DOCK5: variants seen among roughly 807,000 people sequenced by gnomAD.
The protein encoded by DOCK5 is dedicator of cytokinesis protein 5.
Under a neutral mutation model 251.8 loss-of-function variants are expected in DOCK5, and 142 were observed. That is an observed-to-expected ratio of 0.56 (90% CI 0.49 to 0.65). The LOEUF (loss-of-function observed/expected upper bound fraction) is 0.65, where lower values mean the gene tolerates loss of function less well. Among genes scored for constraint, DOCK5 ranks in the 30% least tolerant of loss-of-function variants. The pLI is 0.00. For missense variants in DOCK5, 2,111 were observed against 2,312.3 expected, an observed-to-expected ratio of 0.91 and a Z score of 1.79; for synonymous variants, 842 against 835.5, an observed-to-expected ratio of 1.01 and a Z score of -0.13.
Position 25,310,445 on chromosome 8 carries a change from A to G in DOCK5, c.1231A>G (p.Thr411Ala), listed in dbSNP as rs756444623. The change falls in exon 13 of 52, where the codon ACC becomes GCC. Residue 411 changes from threonine to alanine, a missense_variant. Physicochemically the swap from Thr to Ala is moderately conservative, Grantham distance 58. This residue lies in a region of DOCK5 where 1,717 missense variants were observed against 1,892.4 expected (regional missense o/e 0.91). Coordinates refer to ENST00000276440, the MANE Select transcript of DOCK5 (RefSeq NM_024940.8). ...VSLKLLPGDLTQVQKNFSHLV... is the reference protein window; with the variant it reads ...VSLKLLPGDLAQVQKNFSHLV... ...CTTGAAGCTCTTGCCCGGTGACCTC[A>G]CCCAGGTTCAGAAGAATTTTTCACA... is the stretch of plus-strand genomic sequence containing the variant. The G allele has an allele frequency of 1.9e-6, 3 of 1,613,656 alleles. No individual in the cohort carries two copies. The highest frequency in any genetic ancestry group is 1.7e-5 in the Admixed American group (1 of 59,934).
Position 25,410,939 on chromosome 8 carries a change from A to AATATGTGTGTG in DOCK5, c.5509-255_5509-254insATATGTGTGTG, listed in dbSNP as rs1554513012. ...TATGGCAGCGAGAGAGAGAGAGAAA[A>AATATGTGTGTG]TGTGTGTGTGTGTGTGTGTGTGTGT... is the stretch of plus-strand genomic sequence containing the variant. On this transcript the variant is annotated intron_variant, in intron 51 of 51. Coordinates refer to ENST00000276440, the MANE Select transcript of DOCK5 (RefSeq NM_024940.8). 2.9e-5 allele frequency among the ~76,000 whole-genome samples: 3 copies of AATATGTGTGTG among 102,152 alleles called. No individual in the cohort carries two copies. The South Asian group carries it at 1.1e-3, about 39-fold the overall frequency. The allele number at this position is 102,152 out of a possible 152,430, so 67.0% of individuals were successfully genotyped here. A position where few individuals can be genotyped will look rare whatever the true frequency, so the allele number is the denominator to read the frequency against.
chr8:25,225,297 C>T (rs967871554), intron 1 of DOCK5, among the ~76,000 whole-genome samples: 1 of 152,136 alleles, frequency 6.6e-6, no homozygotes, highest in African/African-American at 2.4e-5. Context: ...TTTTTACACT[C>T]GTGTTCATAG....
intron 5 of DOCK5, among the ~76,000 whole-genome samples, chr8:25,282,922 ATTTCC>A (rs1437070046): frequency 5.6e-5 from 8 of 141,630 alleles, no homozygotes; most frequent in Non-Finnish European, 7.7e-5. Flanking sequence ...TCTATAGTAC[ATTTCC>A]TTGTTCTTTT....
chr8:25,309,357 A>C (rs1181332271), intron 12 of DOCK5, among the ~76,000 whole-genome samples: 1 of 151,814 alleles, frequency 6.6e-6, no homozygotes, highest in African/African-American at 2.4e-5. Flanking sequence ...CTAACTTTTA[A>C]ATTTTTTGTA....
In DOCK5 at chr8:25,380,295, T is replaced by C. The variant is rs753619523; in HGVS notation, c.3937-10T>C. On this transcript the variant is annotated splice_polypyrimidine_tract_variant and intron_variant, in intron 38 of 51. Coordinates refer to ENST00000276440, the MANE Select transcript of DOCK5 (RefSeq NM_024940.8). ...TCTCCACTTTTAACCTTACTTTCCT[T>C]TTTCTGAAGATGTGGGAGAAGGCCA... The C allele has an allele frequency of 6.2e-7, 1 of 1,605,208 alleles. No homozygotes were observed. The highest frequency in any genetic ancestry group is 1.3e-5 in the African/African-American group (1 of 74,782).
intron 1 of DOCK5, among the ~76,000 whole-genome samples, chr8:25,188,514 T>C (rs1287098018): frequency 6.6e-6 from 1 of 152,232 alleles, no homozygotes. Context: ...TTGTGCCTGC[T>C]GAAGCTGGCA....
At chr8:25,357,473 G>A (rs993734946) in intron 27 of DOCK5, among the ~76,000 whole-genome samples, 20 of 147,664 alleles carry the variant, frequency 1.4e-4, no homozygotes, top group African/African-American at 4.5e-4. Context: ...TGCCTCCCAG[G>A]TTCAAGCAAT....
At chr8:25,259,737 A>G (rs947747792) in intron 2 of DOCK5, among the ~76,000 whole-genome samples, 1 of 152,304 alleles carries the variant, frequency 6.6e-6, no homozygotes, top group African/African-American at 2.4e-5. Context: ...GTGGGATTAC[A>G]GGTGTGAGCC....
Position 25,410,157 on chromosome 8 carries a change from C to G in DOCK5, c.5463C>G (p.Pro1821=). The G allele has an allele frequency of 6.2e-7, 1 of 1,613,734 alleles. No homozygotes were observed. The highest frequency in any genetic ancestry group is 8.5e-7 in the Non-Finnish European group (1 of 1,179,856). Residue 1821 remains proline, a synonymous_variant, in exon 51 of 52, where the codon CCC becomes CCG. Coordinates refer to ENST00000276440, the MANE Select transcript of DOCK5 (RefSeq NM_024940.8). ...IAATPVPPPP[P]PKSKPYEGSQ... ...CCACTCCTGTCCCACCTCCACCTCCCCCCAAAAGCAAGCCCTATGAAGGCA... is the reference window on the plus strand; with the variant it reads ...CCACTCCTGTCCCACCTCCACCTCCGCCCAAAAGCAAGCCCTATGAAGGCA...
chr8:25,313,765 C>T (rs1805161698), intron 13 of DOCK5, among the ~76,000 whole-genome samples: 1 of 152,228 alleles, frequency 6.6e-6, no homozygotes, highest in Non-Finnish European at 1.5e-5. Context: ...CTGTGCATGT[C>T]TGTGTCTTAA....
chr8:25,210,074 GTCTATTTATCTA>G (rs1188801815), intron 1 of DOCK5, among the ~76,000 whole-genome samples: 269 of 20,740 alleles, frequency 0.013, 59 homozygotes, highest in African/African-American at 0.028. Flanking sequence ...GTGTGTATCT[GTCTATTTATCTA>G]TCTATCTATC....
intron 2 of DOCK5, among the ~76,000 whole-genome samples, chr8:25,256,083 G>A (rs1257735901): frequency 6.6e-6 from 1 of 152,144 alleles, no homozygotes; most frequent in Non-Finnish European, 1.5e-5. Context: ...CTACAAATAA[G>A]AATGGACAAG....
chr8:25,316,778 C>T (rs905594008), intron 13 of DOCK5, among the ~76,000 whole-genome samples: 1 of 152,110 alleles, frequency 6.6e-6, no homozygotes, highest in Admixed American at 6.5e-5. Flanking sequence ...GAAAGAATTA[C>T]TACTTAATTT....
Position 25,408,452 on chromosome 8 carries a change from A to G in DOCK5, c.5265+298A>G, listed in dbSNP as rs3750196. ...CCCCTGAGTCAATCCAAACATTGTCATTTCTCTTCTTTAATTTTTTTAAAA... is the reference window on the plus strand; with the variant it reads ...CCCCTGAGTCAATCCAAACATTGTCGTTTCTCTTCTTTAATTTTTTTAAAA... On this transcript the variant is annotated intron_variant, in intron 49 of 51. Coordinates refer to ENST00000276440, the MANE Select transcript of DOCK5 (RefSeq NM_024940.8). Among the ~76,000 whole-genome samples the G allele has an allele frequency of 4.7e-4, 71 of 152,198 alleles. 1 individual carries two copies. The East Asian group carries it at 0.012, about 27-fold the overall frequency.
chr8:25,229,217 C>G (rs1237175378), intron 1 of DOCK5, among the ~76,000 whole-genome samples: 1 of 152,154 alleles, frequency 6.6e-6, no homozygotes, highest in Non-Finnish European at 1.5e-5. Flanking sequence ...TGCAGTGGCT[C>G]ACGTCTGTAA....
chr8:25,374,487 AC>A, intron 36 of DOCK5, 76 bp from the exon 37 acceptor site: 1 of 1,352,748 alleles, frequency 7.4e-7, no homozygotes, highest in South Asian at 1.3e-5. Context: ...ATACAGCAAG[AC>A]CCTGTCTCAA....
chr8:25,369,547 T>G lies in DOCK5; in HGVS notation c.3439-9T>G, dbSNP rs1446386055. 4 of 1,604,018 alleles carry G rather than the reference T, an allele frequency of 2.5e-6. No homozygotes were observed. ...ACATTATCCTGTGAAATTCTGCCTC[T>G]ACTTTCAGTTTGAGAATGAGCTGAT... On this transcript the variant is annotated splice_polypyrimidine_tract_variant and intron_variant, in intron 33 of 51. Transcript: ENST00000276440.
intron 18 of DOCK5, among the ~76,000 whole-genome samples, chr8:25,326,920 T>C (rs76150020): frequency 2.8e-3 from 429 of 152,334 alleles, no homozygotes; most frequent in African/African-American, 9.7e-3. Flanking sequence ...CAAAACATAG[T>C]GAAGGACACG....
In DOCK5 at chr8:25,302,318, C is replaced by G. The variant is rs542164811; in HGVS notation, c.847-7C>G. The G allele has an allele frequency of 1.2e-5, 20 of 1,600,468 alleles. No homozygotes were observed. In the East Asian group the frequency reaches 3.1e-4, roughly 25 times the overall value. On this transcript the variant is annotated splice_region_variant and splice_polypyrimidine_tract_variant and intron_variant, in intron 9 of 51. Coordinates refer to ENST00000276440, the MANE Select transcript of DOCK5 (RefSeq NM_024940.8). ...CACCTCCTCTCACACTTTCTCTGCCCCTTTAGGACCTTAGCAGCATGGACC... is the reference window on the plus strand; with the variant it reads ...CACCTCCTCTCACACTTTCTCTGCCGCTTTAGGACCTTAGCAGCATGGACC...
Sources: allele counts gnomAD v4.1 joint callset (sites outside exome capture counted in the v4.1 genomes callset), GRCh38; gene constraint gnomAD v4.1.1; regional missense constraint gnomAD v4.1.1; transcripts MANE v1.5; gene names NCBI Gene and HGNC (gene_info 2026-07-23, HGNC 2026-07-21).